The following IL23R variants were observed in gnomAD, a reference collection of about 807,000 sequenced individuals.
IL23R encodes the protein interleukin 23 receptor, also known as interleukin-23 receptor.
In IL23R, 34 loss-of-function variants were observed where a neutral mutation model predicts 56.9. The ratio of observed to expected loss-of-function variants is 0.60; its 90% CI spans 0.45 to 0.80. The LOEUF (loss-of-function observed/expected upper bound fraction) is 0.80. IL23R is among the 30% of genes least tolerant of loss of function. The pLI, the probability that IL23R is intolerant of heterozygous loss-of-function variation, is 0.00. For missense variants in IL23R, 635 were observed against 730.0 expected (o/e 0.87, Z 1.50); for synonymous variants, 230 against 249.2 (o/e 0.92, Z 0.73).
At chr1:67,202,109 T>C (rs1007213185) in intron 5 of IL23R, among the ~76,000 whole-genome samples, 5 of 152,260 alleles carry the variant, frequency 3.3e-5, no homozygotes, top group Admixed American at 2.6e-4. Flanking sequence ...TGAATCATCC[T>C]GTCTTTGCAG....
rs766991367 is a variant in IL23R, at chr1:67,169,419, A to G, written c.148A>G (p.Ile50Val). ...TIFKMGMNISIYCQAAIKNCQ... is the reference protein window; with the variant it reads ...TIFKMGMNISVYCQAAIKNCQ... ...TTTTAAGATGGGTATGAATATCTCT[A>G]TATATTGCCAAGCAGCAATTAAGAA... Residue 50 changes from isoleucine (I) to valine (V), a missense_variant, in exon 3 of 11, where the codon ATA (isoleucine) becomes GTA (valine). Coordinates refer to ENST00000347310, the MANE Select transcript of IL23R (RefSeq NM_144701.3). 12 of 1,613,212 alleles carry G rather than the reference A, an allele frequency of 7.4e-6. No homozygotes were observed. In the South Asian group the frequency reaches 8.8e-5, roughly 12 times the overall value.
At chr1:67,190,169 T>G (rs1364161775) in intron 4 of IL23R, among the ~76,000 whole-genome samples, 2 of 152,190 alleles carry the variant, frequency 1.3e-5, no homozygotes, top group East Asian at 1.9e-4. Flanking sequence ...TAAAATCACA[T>G]GTAGAGAGAA....
chr1:67,202,379 C>A lies in IL23R; in HGVS notation c.652+1482C>A, dbSNP rs575033540. Among the ~76,000 whole-genome samples, 9 of 152,048 alleles carry A rather than the reference C, an allele frequency of 5.9e-5. No individual in the cohort carries two copies. The South Asian group carries it at 6.2e-4, about 11-fold the overall frequency. On this transcript the variant is annotated intron_variant, in intron 5 of 10. Transcript: ENST00000347310. ...ACCATGCCCAGCTGATCTATATTGC[C>A]ACAAAGTTGTTCATGGCTATATAGA...
At chr1:67,245,015 A>C (rs935498367) in intron 9 of IL23R, among the ~76,000 whole-genome samples, 2 of 152,130 alleles carry the variant, frequency 1.3e-5, no homozygotes, top group African/African-American at 4.8e-5. Context: ...TTCTTTTTGA[A>C]GAGGTCTTTC....
chr1:67,158,803 TG>T (rs1183840028), intron 1 of IL23R, among the ~76,000 whole-genome samples: 1 of 151,750 alleles, frequency 6.6e-6, no homozygotes, highest in Non-Finnish European at 1.5e-5. Flanking sequence ...AGGGGCCTGG[TG>T]GGAGATGATT....
At chr1:67,224,728 A>G (rs915720780) in intron 7 of IL23R, among the ~76,000 whole-genome samples, 12 of 152,182 alleles carry the variant, frequency 7.9e-5, no homozygotes, top group Admixed American at 2.6e-4. Flanking sequence ...CTTATACTGA[A>G]AAAGAAAATC....
At chr1:67,163,993 CA>C (rs1646847235), upstream of IL23R, among the ~76,000 whole-genome samples, 1 of 151,862 alleles carries the variant, frequency 6.6e-6, no homozygotes, top group Admixed American at 6.6e-5. Flanking sequence ...AAACAAGCAA[CA>C]AAAGCAAAAA....
At chr1:67,251,268 C>T (rs112106127) in intron 9 of IL23R, among the ~76,000 whole-genome samples, 14,296 of 151,984 alleles carry the variant, frequency 0.094, 875 homozygotes, top group African/African-American at 0.17. Context: ...CTGGCTAACA[C>T]GGTGAAACCC....
At chr1:67,248,737 A>G (rs1429207538) in intron 9 of IL23R, among the ~76,000 whole-genome samples, 4 of 152,076 alleles carry the variant, frequency 2.6e-5, no homozygotes, top group African/African-American at 7.2e-5. Flanking sequence ...GTTTCTCCCA[A>G]TCAAGCCAGT....
upstream of IL23R, among the ~76,000 whole-genome samples, chr1:67,163,468 C>CAAAAAAAAAA (rs57495148): frequency 1.6e-4 from 8 of 49,606 alleles, no homozygotes; most frequent in African/African-American, 4.8e-4. Flanking sequence ...GACCCTGTCT[C>CAAAAAAAAAA]AAAAAAAAAA....
chr1:67,254,814 T>G (rs1310685323), intron 9 of IL23R, among the ~76,000 whole-genome samples: 1 of 152,228 alleles, frequency 6.6e-6, no homozygotes, highest in East Asian at 1.9e-4. Context: ...GTACTGTCAA[T>G]GCAGAGAGTG....
At chr1:67,206,219 G>A (rs928883347) in intron 5 of IL23R, among the ~76,000 whole-genome samples, 2 of 151,802 alleles carry the variant, frequency 1.3e-5, no homozygotes, top group African/African-American at 2.4e-5. Context: ...TTGCCACGAC[G>A]ACCAGGCTGG....
intron 7 of IL23R, among the ~76,000 whole-genome samples, chr1:67,224,158 AAATC>A (rs1650472937): frequency 6.6e-6 from 1 of 152,230 alleles, no homozygotes; most frequent in Non-Finnish European, 1.5e-5. Context: ...CACACAGTAA[AAATC>A]AAGCATAATA....
intron 1 of IL23R, among the ~76,000 whole-genome samples, chr1:67,147,434 C>T (rs993321499): frequency 2.6e-5 from 4 of 152,136 alleles, no homozygotes; most frequent in Admixed American, 6.5e-5. Context: ...TGTGGTGGCT[C>T]ACACCTGTAA....
intron 9 of IL23R, 22 bp downstream of exon 9, chr1:67,240,303 G>C (rs762382816): frequency 1.3e-6 from 2 of 1,530,998 alleles, no homozygotes; most frequent in Non-Finnish European, 1.8e-6. Context: ...CAGAATTTCT[G>C]TTTTCTGATT....
upstream of IL23R, among the ~76,000 whole-genome samples, chr1:67,161,574 C>T (rs1229351739): frequency 4.6e-5 from 7 of 151,550 alleles, no homozygotes; most frequent in Non-Finnish European, 7.4e-5. Flanking sequence ...GATTTTCAAA[C>T]TACGTACTCC....
intron 9 of IL23R, among the ~76,000 whole-genome samples, chr1:67,250,256 T>C (rs1051327171): frequency 6.6e-6 from 1 of 152,228 alleles, no homozygotes; most frequent in Non-Finnish European, 1.5e-5. Flanking sequence ...CTTTCATGTA[T>C]CCTTTCATGA....
In IL23R at chr1:67,254,143, A is replaced by C. The variant is rs549990606; in HGVS notation, c.1149-1694A>C. 6.7e-4 allele frequency among the ~76,000 whole-genome samples: 102 copies of C among 152,182 alleles called. 1 individual carries two copies. The highest frequency in any genetic ancestry group is 2.3e-3 in the African/African-American group (97 of 41,526). On this transcript the variant is annotated intron_variant, in intron 9 of 10. Transcript: ENST00000347310. ...GAGTGCAGTGGTGCAATCTCGGCTCACTGCAACCTCCATCTCCTGGGTTCA... is the reference window on the plus strand; with the variant it reads ...GAGTGCAGTGGTGCAATCTCGGCTCCCTGCAACCTCCATCTCCTGGGTTCA...
intron 3 of IL23R, among the ~76,000 whole-genome samples, chr1:67,170,233 G>A (rs966426592): frequency 3.9e-5 from 6 of 152,076 alleles, no homozygotes; most frequent in African/African-American, 1.4e-4. Context: ...GCTGTGTTAT[G>A]CACTTAATTT....
Sources: gnomAD v4.1 joint callset for allele counts (sites outside exome capture counted in the v4.1 genomes callset) on GRCh38, gnomAD v4.1.1 for gene constraint, MANE v1.5 for transcripts, NCBI Gene and HGNC (gene_info 2026-07-23, HGNC 2026-07-21) for gene names.